SLC12A1: variants seen among roughly 807,000 people sequenced by gnomAD.
SLC12A1 encodes the protein solute carrier family 12 member 1.
SLC12A1 carries 89 observed loss-of-function variants against 130.4 expected under a neutral mutation model. That is an observed-to-expected ratio of 0.68 (90% CI 0.58 to 0.81). The LOEUF (loss-of-function observed/expected upper bound fraction) is 0.81, where lower values mean the gene tolerates loss of function less well. Among genes scored for constraint, SLC12A1 ranks in the 40% least tolerant of loss-of-function variants. The probability of loss-of-function intolerance (pLI) is 0.00; values close to 1 mark genes in which losing one functional copy is unlikely to be tolerated. For missense variants in SLC12A1, 1,310 were observed against 1,336.4 expected (o/e 0.98, Z 0.31); for synonymous variants, 499 against 460.0 (o/e 1.08, Z -1.09).
At chr15:48,269,250 A>C (rs2041866494) in intron 18 of SLC12A1, among the ~76,000 whole-genome samples, 1 of 152,208 alleles carries the variant, frequency 6.6e-6, no homozygotes, top group Non-Finnish European at 1.5e-5. Flanking sequence ...TGTACATAAG[A>C]ATTTTCCAAA....
In SLC12A1 at chr15:48,207,597, T is replaced by C; in HGVS notation, c.-123T>C. Reference sequence around the variant, plus strand: ...TATCAAGAATCTATTTATTGAATCATCTAGAACAAAAGCCAGGAGCTCCCT... The same window carrying C: ...TATCAAGAATCTATTTATTGAATCACCTAGAACAAAAGCCAGGAGCTCCCT... On this transcript the variant is annotated 5_prime_UTR_variant, in exon 2 of 27. Transcript: ENST00000380993. 1.5e-6 allele frequency: 1 copy of C among 674,498 alleles called. No homozygotes were observed. The highest frequency in any genetic ancestry group is 2.4e-6 in the Non-Finnish European group (1 of 425,192). The allele number at this position is 674,498 out of a possible 1,614,324, so 41.8% of individuals were successfully genotyped here. A position where few individuals can be genotyped will look rare whatever the true frequency, so the allele number is the denominator to read the frequency against.
chr15:48,238,819 C>G (rs2041468499), intron 9 of SLC12A1, among the ~76,000 whole-genome samples: 2 of 152,166 alleles, frequency 1.3e-5, no homozygotes, highest in South Asian at 4.1e-4. Flanking sequence ...AGGCATGTTA[C>G]AAAGTTCCCA....
intron 25 of SLC12A1, 118 bp from the exon 26 acceptor site, chr15:48,301,197 T>A (rs989775468): frequency 1.3e-6 from 1 of 758,236 alleles, no homozygotes; most frequent in Non-Finnish European, 2.3e-6. Context: ...AAAAAGTAAT[T>A]GTAATTTTTA....
intron 5 of SLC12A1, chr15:48,227,123 C>G: frequency 1.3e-6 from 2 of 1,552,232 alleles, no homozygotes; most frequent in Non-Finnish European, 1.7e-6. Context: ...AGTAACGACA[C>G]TCACAGGTAT....
chr15:48,300,306 T>C lies in SLC12A1; in HGVS notation c.3097-1009T>C, dbSNP rs141124966. Among the ~76,000 whole-genome samples, 129 of 150,058 alleles carry C rather than the reference T, an allele frequency of 8.6e-4. 1 individual carries two copies. The highest frequency in any genetic ancestry group is 3.1e-3 in the African/African-American group (124 of 40,654). Reference sequence around the variant, plus strand: ...TGCCACTGTACTCTAGTCTGGATGATAGGAGTGAAACCCTGTTTAAAAAAA... The same window carrying C: ...TGCCACTGTACTCTAGTCTGGATGACAGGAGTGAAACCCTGTTTAAAAAAA... On this transcript the variant is annotated intron_variant, in intron 25 of 26. Coordinates refer to ENST00000380993, the MANE Select transcript of SLC12A1 (RefSeq NM_000338.3).
intron 10 of SLC12A1, among the ~76,000 whole-genome samples, chr15:48,242,356 C>T (rs1179893200): frequency 6.6e-6 from 1 of 152,146 alleles, no homozygotes; most frequent in Non-Finnish European, 1.5e-5. Context: ...ACCATGGAAG[C>T]CAAAGGGTAC....
chr15:48,302,385 C>T (rs1279488714), intron 26 of SLC12A1, among the ~76,000 whole-genome samples: 1 of 151,750 alleles, frequency 6.6e-6, no homozygotes, highest in Non-Finnish European at 1.5e-5. Flanking sequence ...CTTTGGGAGG[C>T]CGAGGCGGGT....
At chr15:48,235,077 G>A (rs2041425273) in intron 9 of SLC12A1, 73 bp downstream of exon 9, 7 of 1,461,950 alleles carry the variant, frequency 4.8e-6, no homozygotes, top group African/African-American at 1.4e-5. Flanking sequence ...GAGCTAGAGA[G>A]GTTAGATGTG....
intron 13 of SLC12A1, among the ~76,000 whole-genome samples, chr15:48,248,782 C>A (rs2041613108): frequency 6.6e-6 from 1 of 152,224 alleles, no homozygotes; most frequent in African/African-American, 2.4e-5. Flanking sequence ...GTGGCTTACG[C>A]CTGTTCATCC....
At chr15:48,284,647 C>G (rs1272851294) in intron 20 of SLC12A1, among the ~76,000 whole-genome samples, 1 of 152,166 alleles carries the variant, frequency 6.6e-6, no homozygotes, top group Admixed American at 6.5e-5. Flanking sequence ...TACTTTTTCT[C>G]TTTTCTTTTG....
At chr15:48,261,765 T>C (rs2041777638) in intron 17 of SLC12A1, among the ~76,000 whole-genome samples, 1 of 152,164 alleles carries the variant, frequency 6.6e-6, no homozygotes, top group Non-Finnish European at 1.5e-5. Context: ...ACAATTTAGT[T>C]TTTAAGTCTA....
chr15:48,229,364 C>G (rs2041339954), intron 6 of SLC12A1, 36 bp downstream of exon 6: 1 of 1,559,352 alleles, frequency 6.4e-7, no homozygotes, highest in Non-Finnish European at 8.7e-7. Context: ...TGCCAAGCAG[C>G]ATAATTTAGT....
At chr15:48,300,044 T>C (rs775388737) in intron 25 of SLC12A1, among the ~76,000 whole-genome samples, 66 of 152,144 alleles carry the variant, frequency 4.3e-4, no homozygotes, top group African/African-American at 8.7e-4. Flanking sequence ...TAGAAAGAAA[T>C]CTTAGGGCCG....
intron 9 of SLC12A1, chr15:48,235,290 A>C (rs931204560): frequency 4.9e-6 from 2 of 404,068 alleles, no homozygotes; most frequent in African/African-American, 4.0e-5. Flanking sequence ...AAAAAATACC[A>C]GAACCACCCT....
intron 2 of SLC12A1, among the ~76,000 whole-genome samples, chr15:48,209,214 AC>A (rs2041022008): frequency 1.3e-5 from 2 of 152,160 alleles, no homozygotes; most frequent in Admixed American, 1.3e-4. Flanking sequence ...GGCATGTGCC[AC>A]CACCACACTC....
At chr15:48,252,219 G>T (rs1367042127) in intron 15 of SLC12A1, among the ~76,000 whole-genome samples, 1 of 152,060 alleles carries the variant, frequency 6.6e-6, no homozygotes, top group Non-Finnish European at 1.5e-5. Context: ...ATAAGAATAA[G>T]AATAAGAATA....
At position 48,258,205 on chromosome 15, in the gene SLC12A1, C is replaced by CA. The variant is rs1399266746; in HGVS notation, c.2043-989dup. On this transcript the variant is annotated intron_variant, in intron 16 of 26. Transcript: ENST00000380993. The stretch of plus-strand genomic sequence containing the variant: ...TGAAACCCCGTCTCTACTAAAAATA[C>CA]AAAAAATTAGCCGGGCGTAGTGGCG... Among the ~76,000 whole-genome samples, 4 of 109,038 alleles carry CA rather than the reference C, an allele frequency of 3.7e-5. 1 individual carries two copies. The highest frequency in any genetic ancestry group is 6.5e-5 in the Non-Finnish European group (4 of 61,184). The allele number at this position is 109,038 out of a possible 152,430, so 71.5% of individuals were successfully genotyped here.
At chr15:48,286,360 GT>G (rs2042060076) in intron 21 of SLC12A1, among the ~76,000 whole-genome samples, 1 of 152,162 alleles carries the variant, frequency 6.6e-6, no homozygotes, top group Non-Finnish European at 1.5e-5. Flanking sequence ...TAAATGATGT[GT>G]TTGAATTCAA....
chr15:48,242,520 C>G (rs77318991), intron 10 of SLC12A1, among the ~76,000 whole-genome samples: 5,625 of 152,254 alleles, frequency 0.037, 145 homozygotes, highest in East Asian at 0.093. Context: ...AGTATTGTTG[C>G]GGCTGGGCAC....
Sources: gnomAD v4.1 joint callset for allele counts (sites outside exome capture counted in the v4.1 genomes callset) on GRCh38, gnomAD v4.1.1 for gene constraint, MANE v1.5 for transcripts, NCBI Gene and HGNC (gene_info 2026-07-23, HGNC 2026-07-21) for gene names.